STRN: variants seen among roughly 807,000 people sequenced by gnomAD.
STRN encodes the protein striatin.
A neutral mutation model predicts 96.3 loss-of-function variants in STRN; 53 were observed. The observed-to-expected ratio is 0.55, with a 90% CI of 0.44 to 0.69. The LOEUF is 0.69. STRN is among the 30% of genes least tolerant of loss of function. STRN has a pLI of 0.00. For missense variants in STRN, 987 were observed against 963.9 expected (o/e 1.02, Z -0.32); for synonymous variants, 428 against 355.9 (o/e 1.20, Z -2.28).
At chr2:36,870,045 T>C (rs1013981116) in intron 10 of STRN, among the ~76,000 whole-genome samples, 1 of 152,138 alleles carries the variant, frequency 6.6e-6, no homozygotes, top group African/African-American at 2.4e-5. Context: ...ACACAAATTA[T>C]AGTATACAAG....
chr2:36,900,439 TA>T (rs1471138411), intron 5 of STRN, among the ~76,000 whole-genome samples: 2 of 152,084 alleles, frequency 1.3e-5, no homozygotes, highest in African/African-American at 4.8e-5. Context: ...ACAGCTAAAG[TA>T]AAAGAGAAAA....
intron 6 of STRN, 126 bp downstream of exon 6, chr2:36,899,397 G>C: frequency 1.2e-6 from 1 of 861,918 alleles, no homozygotes; most frequent in Non-Finnish European, 1.6e-6. Context: ...TCTCATAAAT[G>C]TCTCCAAATT....
chr2:36,875,960 A>T (rs991084792), intron 10 of STRN, among the ~76,000 whole-genome samples: 2 of 151,368 alleles, frequency 1.3e-5, no homozygotes, highest in African/African-American at 4.9e-5. Flanking sequence ...CTGGCTTACA[A>T]ATGATTTTTT....
chr2:36,913,889 G>T (rs140018420), intron 3 of STRN, among the ~76,000 whole-genome samples: 8 of 152,252 alleles, frequency 5.3e-5, no homozygotes, highest in African/African-American at 1.7e-4. Flanking sequence ...GTAGGATCAC[G>T]GAAATTTAAA....
Position 36,841,037 on chromosome 2 carries a change from C to G in STRN, c.*8419G>C, listed in dbSNP as rs1667938736. The G allele has an allele frequency of 1.3e-5, 2 of 152,160 alleles. No individual in the cohort carries two copies. Among genetic ancestry groups the G allele is most frequent in the African/African-American group, 4.8e-5 (2 of 41,434 alleles). 9.4% of individuals were successfully genotyped at this position (152,160 alleles called of 1,614,324 possible). A position where few individuals can be genotyped will look rare whatever the true frequency, so the allele number is the denominator to read the frequency against. On this transcript the variant is annotated 3_prime_UTR_variant, in exon 18 of 18. Coordinates refer to ENST00000263918, the MANE Select transcript of STRN (RefSeq NM_003162.4). Reference sequence around the variant, plus strand: ...GGCACAAAATTGCCTGGAACTACAACCTTCAAGTTCAAAATTTCTACCTCC... The same window carrying G: ...GGCACAAAATTGCCTGGAACTACAAGCTTCAAGTTCAAAATTTCTACCTCC...
In STRN at chr2:36,850,922, G is replaced by C. The variant is rs988856373; in HGVS notation, c.2086+78C>G. 2.6e-6 allele frequency: 3 copies of C among 1,158,284 alleles called. No homozygotes were observed. In the African/African-American group the frequency reaches 4.8e-5, roughly 18 times the overall value. 71.8% of individuals were successfully genotyped at this position (1,158,284 alleles called of 1,614,324 possible). A position where few individuals can be genotyped will look rare whatever the true frequency, so the allele number is the denominator to read the frequency against. On this transcript the variant is annotated intron_variant, in intron 16 of 17. Transcript: ENST00000263918. ...TTCCCTGACTACGAAACCACCAAGA[G>C]ACACCAAAATTAGCCTACTTGTGGT...
intron 1 of STRN, among the ~76,000 whole-genome samples, chr2:36,939,117 C>T (rs971229934): frequency 6.6e-6 from 1 of 152,022 alleles, no homozygotes; most frequent in Non-Finnish European, 1.5e-5. Context: ...TCCCGAGTAG[C>T]TGGAATTACA....
rs564990137 is a variant in STRN, at chr2:36,898,973, G to C, written c.795+550C>G. ...GAAGAGAAGAAAATGGAGAAGGGAAGAGAAAGAAGTGGCTACTTCGAGACA... is the reference window on the plus strand; with the variant it reads ...GAAGAGAAGAAAATGGAGAAGGGAACAGAAAGAAGTGGCTACTTCGAGACA... On this transcript the variant is annotated intron_variant, in intron 6 of 17. Coordinates refer to ENST00000263918, the MANE Select transcript of STRN (RefSeq NM_003162.4). Among the ~76,000 whole-genome samples the C allele has an allele frequency of 9.2e-5, 14 of 152,218 alleles. No individual in the cohort carries two copies. In the East Asian group the frequency reaches 2.5e-3, roughly 27 times the overall value.
rs574951468 is a variant in STRN at position 36,840,035 on chromosome 2, G to A, written c.*9421C>T. 4.0e-4 allele frequency: 61 copies of A among 152,278 alleles called. No individual in the cohort carries two copies. The highest frequency in any genetic ancestry group is 1.0e-3 in the African/African-American group (43 of 41,554). 9.4% of individuals were successfully genotyped at this position (152,278 alleles called of 1,614,324 possible). ...AAAAACCAGCCTGAGAGCATCCTGA[G>A]GAACTTTGTCCCAGAATTTTCCTCT... On this transcript the variant is annotated 3_prime_UTR_variant, in exon 18 of 18. Coordinates refer to ENST00000263918, the MANE Select transcript of STRN (RefSeq NM_003162.4).
intron 1 of STRN, among the ~76,000 whole-genome samples, chr2:36,953,469 C>A (rs926959776): frequency 6.8e-6 from 1 of 147,628 alleles, no homozygotes; most frequent in African/African-American, 2.5e-5. Context: ...GTGGCACAAT[C>A]TCAGCTCACT....
chr2:36,869,832 AC>A, intron 10 of STRN, 103 bp from the exon 11 acceptor site: 1 of 894,074 alleles, frequency 1.1e-6, no homozygotes, highest in Non-Finnish European at 1.5e-6. Context: ...ATAAACGATC[AC>A]TTTGCAATTT....
chr2:36,916,134 A>G lies in STRN; in HGVS notation c.356T>C (p.Leu119Ser). The G allele has an allele frequency of 6.2e-7, 1 of 1,613,646 alleles. No homozygotes were observed. Among genetic ancestry groups the G allele is most frequent in the Non-Finnish European group, 8.5e-7 (1 of 1,179,774 alleles). Residue 119 changes from leucine to serine, a missense_variant, in exon 3 of 18, where the codon TTG becomes TCG. Transcript: ENST00000263918. ...CTGATTCAATTCTGTCCCGTATTTC[A>G]ACTTGTGGTATTTGGCTCTAACAAA... Reference protein sequence around the residue: ...LKQERAKYHKLKYGTELNQGD... With the variant: ...LKQERAKYHKSKYGTELNQGD...
chr2:36,937,434 C>G (rs1310126867), intron 1 of STRN, among the ~76,000 whole-genome samples: 1 of 151,302 alleles, frequency 6.6e-6, no homozygotes, highest in Non-Finnish European at 1.5e-5. Context: ...TTTGGGAGGT[C>G]AAGGCAGGAA....
At chr2:36,933,617 A>G (rs577299043) in intron 1 of STRN, among the ~76,000 whole-genome samples, 4 of 152,270 alleles carry the variant, frequency 2.6e-5, no homozygotes, top group African/African-American at 7.2e-5. Flanking sequence ...CCTAACACCA[A>G]GCATTTGTTT....
intron 1 of STRN, among the ~76,000 whole-genome samples, chr2:36,964,508 A>G (rs1405688787): frequency 1.3e-5 from 2 of 152,222 alleles, no homozygotes; most frequent in Non-Finnish European, 2.9e-5. Flanking sequence ...AAACAAGGTC[A>G]AAGAAGACTT....
intron 1 of STRN, among the ~76,000 whole-genome samples, chr2:36,951,367 G>A (rs545084198): frequency 1.8e-4 from 27 of 152,304 alleles, no homozygotes; most frequent in African/African-American, 6.3e-4. Context: ...GTATGGCCCA[G>A]GCAATGCTTT....
At chr2:36,947,965 T>G (rs1209136606) in intron 1 of STRN, among the ~76,000 whole-genome samples, 2 of 151,984 alleles carry the variant, frequency 1.3e-5, no homozygotes, top group East Asian at 3.8e-4. Flanking sequence ...GCAGTACTAC[T>G]TTGGCTAATT....
At chr2:36,930,428 T>C (rs1316093802) in intron 1 of STRN, among the ~76,000 whole-genome samples, 1 of 146,734 alleles carries the variant, frequency 6.8e-6, no homozygotes, top group Non-Finnish European at 1.5e-5. Flanking sequence ...CGAGACTCCA[T>C]CTCAAAAAAA....
intron 2 of STRN, among the ~76,000 whole-genome samples, chr2:36,920,355 C>G (rs1670219788): frequency 6.6e-6 from 1 of 152,002 alleles, no homozygotes; most frequent in Non-Finnish European, 1.5e-5. Context: ...GAAACAAAAC[C>G]AGGCTGGGCG....
Sources: allele counts gnomAD v4.1 joint callset (sites outside exome capture counted in the v4.1 genomes callset), GRCh38; gene constraint gnomAD v4.1.1; transcripts MANE v1.5; gene names NCBI Gene and HGNC (gene_info 2026-07-23, HGNC 2026-07-21).